The following HEATR1 variants were observed in gnomAD, a reference collection of about 807,000 sequenced individuals.
HEATR1 encodes HEAT repeat containing 1, also known as HEAT repeat-containing protein 1.
Under a neutral mutation model 248.2 loss-of-function variants are expected in HEATR1, and 77 were observed. The ratio of observed to expected loss-of-function variants is 0.31; its 90% CI spans 0.26 to 0.37. HEATR1 has a LOEUF of 0.37. Ranked by LOEUF, HEATR1 falls within the 10% of genes least tolerant of loss-of-function variation. The pLI is 1.00. For synonymous variants in HEATR1, 897 were observed against 923.1 expected, an observed-to-expected ratio of 0.97 and a Z score of 0.51; for missense variants, 2,420 against 2,504.9, an observed-to-expected ratio of 0.97 and a Z score of 0.72.
chr1:236,550,822 C>G lies in HEATR1; in HGVS notation c.*80G>C. The G allele has an allele frequency of 9.2e-7, 1 of 1,083,040 alleles. No individual in the cohort carries two copies. Among genetic ancestry groups the G allele is most frequent in the East Asian group, 2.4e-5 (1 of 41,146 alleles). The allele number at this position is 1,083,040 out of a possible 1,614,324, so 67.1% of individuals were successfully genotyped here. On this transcript the variant is annotated 3_prime_UTR_variant, in exon 45 of 45. Transcript: ENST00000366582. ...AGGTGTATTAAGGCACCAAAAGTAA[C>G]ATGGCACCCAACACCCAAAAATAAA...
intron 26 of HEATR1, among the ~76,000 whole-genome samples, chr1:236,572,019 T>C (rs2246431): frequency 0.74 from 111,568 of 151,684 alleles, 41,227 homozygotes; most frequent in Admixed American, 0.77. Flanking sequence ...CACACACACA[T>C]ACACAAATCT....
In HEATR1 at chr1:236,566,709, G is replaced by A; in HGVS notation, c.4245C>T (p.Leu1415=). The A allele has an allele frequency of 6.2e-7, 1 of 1,614,112 alleles. No homozygotes were observed. Among genetic ancestry groups the A allele is most frequent in the African/African-American group, 1.3e-5 (1 of 75,032 alleles). ...CATACTGTTCAAAAAGCAAGATGAG[G>A]AGAATCCAGAGGAATTTCTCTGCAC... is the stretch of plus-strand genomic sequence containing the variant. ...TLGAEKFLWI[L]LILLFEQYVT... Residue 1415 remains leucine (L), a synonymous_variant, in exon 30 of 45, where the codon CTC becomes CTT. Coordinates refer to ENST00000366582, the MANE Select transcript of HEATR1 (RefSeq NM_018072.6).
In HEATR1 at chr1:236,571,610, T is replaced by C; in HGVS notation, c.3784A>G (p.Ile1262Val). The stretch of plus-strand genomic sequence containing the variant: ...CCATCTGGAGATAGTTTTTGGCAGA[T>C]GTTGAGCAGACAACTAAGAATTAAT... ...KQLILSCLLN[I>V]CQKLSPDGGK... The change falls in exon 27 of 45, where the codon ATC becomes GTC. Residue 1262 changes from isoleucine (I) to valine (V), a missense_variant. Coordinates refer to ENST00000366582, the MANE Select transcript of HEATR1 (RefSeq NM_018072.6). 2 of 1,614,156 alleles carry C rather than the reference T, an allele frequency of 1.2e-6. No individual in the cohort carries two copies. The highest frequency in any genetic ancestry group is 1.7e-6 in the Non-Finnish European group (2 of 1,179,958).
intron 26 of HEATR1, 140 bp from the exon 27 acceptor site, chr1:236,571,826 A>C (rs931308232): frequency 1.5e-6 from 1 of 663,072 alleles, no homozygotes; most frequent in Non-Finnish European, 2.7e-6. Flanking sequence ...ATTAAACATC[A>C]AGTCTAGAAA....
In HEATR1 at chr1:236,601,568, C is replaced by T. The variant is rs919169850; in HGVS notation, c.359+1592G>A. On this transcript the variant is annotated intron_variant, in intron 3 of 44. Transcript: ENST00000366582. ...CTGTAACCCCAGCACTTTGGGAGGC[C>T]GACTCGGCAGGAGGATCGCTTGAGG... 5.3e-5 allele frequency among the ~76,000 whole-genome samples: 8 copies of T among 151,244 alleles called. No individual in the cohort carries two copies. In the South Asian group the frequency reaches 1.0e-3, roughly 20 times the overall value.
rs1663421980 is a variant in HEATR1, at chr1:236,571,423, G to A, written c.3876C>T (p.Ile1292=). The change falls in exon 28 of 45, where the codon ATC becomes ATT. Residue 1292 remains isoleucine (I), a synonymous_variant. Transcript: ENST00000366582. Reference sequence around the variant, plus strand: ...GGGTCTGCGGCATCTCCGAAAGGCGGATGCACTGAACTATCAACTCCACGT... The same window carrying A: ...GGGTCTGCGGCATCTCCGAAAGGCGAATGCACTGAACTATCAACTCCACGT... ...KFNVELIVQC[I]RLSEMPQTHH... 4 of 1,613,422 alleles carry A rather than the reference G, an allele frequency of 2.5e-6. No individual in the cohort carries two copies. The highest frequency in any genetic ancestry group is 3.4e-6 in the Non-Finnish European group (4 of 1,179,884).
At chr1:236,576,750 A>C in intron 21 of HEATR1, 30 bp downstream of exon 21, 1 of 1,588,830 alleles carries the variant, frequency 6.3e-7, no homozygotes, top group South Asian at 1.2e-5. Flanking sequence ...AGGCATGAAC[A>C]CACTCAATCT....
intron 20 of HEATR1, among the ~76,000 whole-genome samples, chr1:236,577,643 C>T (rs2103138813): frequency 6.6e-6 from 1 of 152,086 alleles, no homozygotes; most frequent in South Asian, 2.1e-4. Context: ...CACGCGCCAC[C>T]ACATCCGGCT....
chr1:236,572,596 A>G, intron 25 of HEATR1, 42 bp from the exon 26 acceptor site: 1 of 1,611,616 alleles, frequency 6.2e-7, no homozygotes, highest in South Asian at 1.1e-5. Context: ...AGCAAACTCT[A>G]TCATGTGCTA....
At chr1:236,603,493 AT>A in intron 2 of HEATR1, 117 bp from the exon 3 acceptor site, 1 of 734,050 alleles carries the variant, frequency 1.4e-6, no homozygotes, top group Non-Finnish European at 2.2e-6. Context: ...AGTACATATA[AT>A]TTATAATACA....
chr1:236,560,122 T>TATC (rs1481469677), intron 33 of HEATR1, among the ~76,000 whole-genome samples: 1 of 149,982 alleles, frequency 6.7e-6, no homozygotes, highest in East Asian at 2.0e-4. Context: ...AACTCACTCA[T>TATC]ATCTAGCTCA....
Position 236,563,280 on chromosome 1 carries a change from T to A in HEATR1, c.4599+1218A>T, listed in dbSNP as rs182300204. ...CTGAGAGGAGTTTTTTCCTTTTTTTTATTTTTTTTATTTTTTCAGACAGAA... is the reference window on the plus strand; with the variant it reads ...CTGAGAGGAGTTTTTTCCTTTTTTTAATTTTTTTTATTTTTTCAGACAGAA... On this transcript the variant is annotated intron_variant, in intron 32 of 44. Transcript: ENST00000366582. 1.8e-3 allele frequency among the ~76,000 whole-genome samples: 267 copies of A among 151,206 alleles called. 1 individual carries two copies. Among genetic ancestry groups the A allele is most frequent in the Non-Finnish European group, 2.5e-3 (166 of 67,268 alleles).
chr1:236,559,046 C>G lies in HEATR1; in HGVS notation c.4860G>C (p.Leu1620=), dbSNP rs1445519603. The stretch of plus-strand genomic sequence containing the variant: ...GCTGCAGCTTGTTATTCAAAAGGTC[C>G]AGCGCTTTGCGGCGAACAGATGGCA... The part of the protein sequence containing the change: ...NPLPSVRRKA[L]DLLNNKLQQN... The change falls in exon 35 of 45, where the codon CTG becomes CTC. Residue 1620 remains leucine, a synonymous_variant. Coordinates refer to ENST00000366582, the MANE Select transcript of HEATR1 (RefSeq NM_018072.6). The G allele has an allele frequency of 1.9e-6, 3 of 1,612,918 alleles. No homozygotes were observed. Among genetic ancestry groups the G allele is most frequent in the African/African-American group, 1.3e-5 (1 of 74,934 alleles).
chr1:236,565,980 A>G lies in HEATR1; in HGVS notation c.4374T>C (p.His1458=). 1 of 1,613,872 alleles carries G rather than the reference A, an allele frequency of 6.2e-7. No individual in the cohort carries two copies. Among genetic ancestry groups the G allele is most frequent in the Non-Finnish European group, 8.5e-7 (1 of 1,179,818 alleles). ...GGATATTCATCAAGCTTTGTATCTG[A>G]TGCTGGACACTAAACTCACAACAGA... ...FSVCCEFSVQ[H]QIQSLMNILQ... Residue 1458 remains histidine, a synonymous_variant, in exon 31 of 45, where the codon CAT becomes CAC. Coordinates refer to ENST00000366582, the MANE Select transcript of HEATR1 (RefSeq NM_018072.6).
rs142154689 is a variant in HEATR1 at position 236,558,961 on chromosome 1, A to T, written c.4911+34T>A. 9.2e-4 allele frequency: 1,420 copies of T among 1,538,788 alleles called. 12 individuals are homozygous for T. In the African/African-American group the frequency reaches 0.015, roughly 16 times the overall value. On this transcript the variant is annotated intron_variant, in intron 35 of 44. Transcript: ENST00000366582. The stretch of plus-strand genomic sequence containing the variant: ...ATGCAGCTCTTTGATAAAGCAAAGT[A>T]CAGTAAATGGGTGTGTCCTGGGTCT...
intron 20 of HEATR1, among the ~76,000 whole-genome samples, chr1:236,577,636 G>A (rs973167384): frequency 8.6e-5 from 13 of 151,608 alleles, no homozygotes; most frequent in Non-Finnish European, 8.8e-5. Flanking sequence ...TTACAGGCAC[G>A]CGCCACCACA....
rs541891083 is a variant in HEATR1, at chr1:236,603,882, GA to G, written c.142+71del. 4.8e-3 allele frequency: 4,210 copies of G among 871,734 alleles called. 1 individual carries two copies. Among genetic ancestry groups the G allele is most frequent in the East Asian group, 8.6e-3 (223 of 26,018 alleles). 54.0% of individuals were successfully genotyped at this position (871,734 alleles called of 1,614,324 possible). On this transcript the variant is annotated intron_variant, in intron 2 of 44. Coordinates refer to ENST00000366582, the MANE Select transcript of HEATR1 (RefSeq NM_018072.6). ...GACGGGACAGAAGAGAAAACAAGGG[GA>G]AAAAAAAAAAACAGTAACATCCAGA...
At chr1:236,551,850 G>A (rs1352217803) in intron 44 of HEATR1, 149 bp downstream of exon 44, 1 of 598,686 alleles carries the variant, frequency 1.7e-6, no homozygotes, top group East Asian at 2.9e-5. Flanking sequence ...GAGCCTGCCT[G>A]TATTTGAGAC....
Position 236,586,403 on chromosome 1 carries a change from G to C in HEATR1, c.1765C>G (p.Leu589Val). Residue 589 changes from leucine to valine, a missense_variant, in exon 15 of 45, where the codon CTG (leucine) becomes GTG (valine). Physicochemically the swap from Leu to Val is conservative, Grantham distance 32 (BLOSUM62 1). Transcript: ENST00000366582. ...AADILIKEEI[L>V]SENDQLSNQV... ...TTTGACAACTGATCATTTTCACTCA[G>C]TATCTCTTCTTTAATTAATATGTCA... is the stretch of plus-strand genomic sequence containing the variant. 6.2e-7 allele frequency: 1 copy of C among 1,613,138 alleles called. No homozygotes were observed.
Sources: allele counts gnomAD v4.1 joint callset (sites outside exome capture counted in the v4.1 genomes callset), GRCh38; gene constraint gnomAD v4.1.1; transcripts MANE v1.5; gene names NCBI Gene and HGNC (gene_info 2026-07-23, HGNC 2026-07-21).